ZNF438: variants seen among roughly 807,000 people sequenced by gnomAD.
The protein encoded by ZNF438 is zinc finger protein 438.
Under a neutral mutation model 38.0 loss-of-function variants are expected in ZNF438, and 25 were observed. The ratio of observed to expected loss-of-function variants is 0.66; its 90% CI spans 0.48 to 0.92. The LOEUF is 0.92. ZNF438 is among the 40% of genes least tolerant of loss of function. The probability of loss-of-function intolerance (pLI) is 0.00; values close to 1 mark genes in which losing one functional copy is unlikely to be tolerated. For missense variants in ZNF438, 1,007 were observed against 999.6 expected (o/e 1.01, Z -0.10); for synonymous variants, 372 against 364.1 (o/e 1.02, Z -0.25).
At chr10:31,012,452 C>T (rs1431781003) in intron 1 of ZNF438, among the ~76,000 whole-genome samples, 2 of 151,996 alleles carry the variant, frequency 1.3e-5, no homozygotes, top group Non-Finnish European at 2.9e-5. Flanking sequence ...CATTTTCTTA[C>T]CATCTGAAAT....
At chr10:30,924,819 C>T (rs1291393505) in intron 2 of ZNF438, among the ~76,000 whole-genome samples, 1 of 151,994 alleles carries the variant, frequency 6.6e-6, no homozygotes, top group African/African-American at 2.4e-5. Flanking sequence ...GGGTTAGATC[C>T]TGCAATGAAA....
intron 1 of ZNF438, among the ~76,000 whole-genome samples, chr10:30,967,928 G>GTGATAAAT (rs2050308091): frequency 6.6e-6 from 1 of 152,164 alleles, no homozygotes; most frequent in African/African-American, 2.4e-5. Context: ...CCCACTGCCT[G>GTGATAAAT]TGATAAATGA....
chr10:30,884,468 T>G (rs770848441), intron 3 of ZNF438, among the ~76,000 whole-genome samples: 4 of 152,168 alleles, frequency 2.6e-5, no homozygotes, highest in Non-Finnish European at 4.4e-5. Context: ...TAAGTGTGCA[T>G]TTTTACTCAA....
At chr10:30,870,093 C>T (rs752175253) in intron 4 of ZNF438, among the ~76,000 whole-genome samples, 7 of 152,148 alleles carry the variant, frequency 4.6e-5, no homozygotes, top group African/African-American at 1.2e-4. Flanking sequence ...CTGAGAAAAA[C>T]GTCATAAAAA....
intron 1 of ZNF438, among the ~76,000 whole-genome samples, chr10:31,031,314 C>T (rs1486149931): frequency 1.3e-5 from 2 of 152,214 alleles, no homozygotes; most frequent in Non-Finnish European, 2.9e-5. Context: ...CCAGAGGCTG[C>T]TGTACCTCCC....
intron 3 of ZNF438, among the ~76,000 whole-genome samples, chr10:30,908,378 G>C (rs1494117): frequency 0.78 from 118,434 of 152,166 alleles, 46,833 homozygotes; most frequent in African/African-American, 0.88. Flanking sequence ...TCTGTTAGGT[G>C]TATGTGGCTT....
At chr10:30,985,893 C>T (rs537042170) in intron 1 of ZNF438, among the ~76,000 whole-genome samples, 52 of 152,140 alleles carry the variant, frequency 3.4e-4, no homozygotes, top group Non-Finnish European at 6.9e-4. Flanking sequence ...TATAGTCATC[C>T]ACTGCATGAT....
intron 4 of ZNF438, among the ~76,000 whole-genome samples, chr10:30,871,595 C>G (rs1193450160): frequency 1.3e-5 from 2 of 152,152 alleles, no homozygotes; most frequent in Non-Finnish European, 2.9e-5. Flanking sequence ...GTATGCCTTA[C>G]TTGAGTTCTA....
intron 3 of ZNF438, among the ~76,000 whole-genome samples, chr10:30,887,668 G>A (rs1413350580): frequency 1.3e-5 from 2 of 152,164 alleles, no homozygotes; most frequent in Non-Finnish European, 2.9e-5. Flanking sequence ...GATTACAGGC[G>A]TGAGCCACCG....
chr10:31,000,097 T>C lies in ZNF438; in HGVS notation c.-192+31736A>G, dbSNP rs1267694300. Among the ~76,000 whole-genome samples the C allele has an allele frequency of 2.6e-5, 4 of 152,330 alleles. 1 individual carries two copies. The South Asian group carries it at 8.3e-4, about 32-fold the overall frequency. ...ATGCTTATTCCCAAATTTGTGTCTCTATGCTTGATTTTTCTCTCAAGCTTA... is the reference window on the plus strand; with the variant it reads ...ATGCTTATTCCCAAATTTGTGTCTCCATGCTTGATTTTTCTCTCAAGCTTA... On this transcript the variant is annotated intron_variant, in intron 1 of 5. Transcript: ENST00000413025.
At chr10:30,984,258 G>T (rs1345031082) in intron 1 of ZNF438, 111 bp downstream of exon 2, 1 of 152,128 alleles carries the variant, frequency 6.6e-6, no homozygotes. Context: ...GAAGAGAAAA[G>T]AGTTAATTGC....
At chr10:30,946,329 A>C (rs890915275) in intron 1 of ZNF438, among the ~76,000 whole-genome samples, 1 of 152,190 alleles carries the variant, frequency 6.6e-6, no homozygotes, top group East Asian at 1.9e-4. Flanking sequence ...GCAACAAAAG[A>C]CAAAGTTGAC....
chr10:30,972,019 G>T (rs1201268642), intron 1 of ZNF438, among the ~76,000 whole-genome samples: 2 of 151,188 alleles, frequency 1.3e-5, no homozygotes, highest in Non-Finnish European at 2.9e-5. Context: ...ACCCAGGCTG[G>T]AGTGCAGTGG....
Position 31,028,140 on chromosome 10 carries a change from CA to C in ZNF438, c.-192+3692del, listed in dbSNP as rs767868251. ...ATATCACCAGATCCCCTTTCTATGA[CA>C]AAAAAAAAATACATGTCAATGTTAG... On this transcript the variant is annotated intron_variant, in intron 1 of 5. Transcript: ENST00000413025. 2.9e-3 allele frequency among the ~76,000 whole-genome samples: 422 copies of C among 146,714 alleles called. 3 individuals carry two copies. Among genetic ancestry groups the C allele is most frequent in the African/African-American group, 0.01 (410 of 39,980 alleles).
intron 2 of ZNF438, among the ~76,000 whole-genome samples, chr10:30,927,156 C>G (rs937474476): frequency 6.6e-6 from 1 of 152,204 alleles, no homozygotes; most frequent in Non-Finnish European, 1.5e-5. Flanking sequence ...CTGATCCACA[C>G]AGTCACTCCA....
At chr10:31,018,338 CTTATT>C (rs1460198548) in intron 1 of ZNF438, among the ~76,000 whole-genome samples, 1 of 152,178 alleles carries the variant, frequency 6.6e-6, no homozygotes, top group Non-Finnish European at 1.5e-5. Context: ...TAATCGTTCT[CTTATT>C]TGATGCCCTC....
At chr10:30,986,245 T>C (rs1253527253) in intron 1 of ZNF438, among the ~76,000 whole-genome samples, 1 of 152,216 alleles carries the variant, frequency 6.6e-6, no homozygotes, top group Admixed American at 6.5e-5. Flanking sequence ...ACTGAACTCA[T>C]AGCCAACAGC....
At chr10:30,855,546 C>T (rs558310888) in intron 4 of ZNF438, among the ~76,000 whole-genome samples, 3 of 152,122 alleles carry the variant, frequency 2.0e-5, no homozygotes, top group Non-Finnish European at 1.5e-5. Context: ...TTCTCAGAAT[C>T]ATTATGGATA....
intron 1 of ZNF438, among the ~76,000 whole-genome samples, chr10:31,021,213 C>G (rs1417648746): frequency 6.6e-6 from 1 of 152,014 alleles, no homozygotes; most frequent in Non-Finnish European, 1.5e-5. Flanking sequence ...AAAAATAAAA[C>G]TTCAATACAA....
Sources: allele counts gnomAD v4.1 joint callset (sites outside exome capture counted in the v4.1 genomes callset), GRCh38; gene constraint gnomAD v4.1.1; transcripts MANE v1.5; gene names NCBI Gene and HGNC (gene_info 2026-07-23, HGNC 2026-07-21).